Variants in ATP2B1 observed in about 807,000 individuals in gnomAD.
The protein encoded by ATP2B1 is ATPase plasma membrane Ca2+ transporting 1.
In ATP2B1, 14 loss-of-function variants were observed where a neutral mutation model predicts 124.2. That is an observed-to-expected ratio of 0.11 (90% CI 0.07 to 0.18). ATP2B1 has a LOEUF of 0.18. ATP2B1 is among the 10% of genes least tolerant of loss of function. The probability of loss-of-function intolerance (pLI) is 1.00; values close to 1 mark genes in which losing one functional copy is unlikely to be tolerated. For synonymous variants in ATP2B1, 449 were observed against 492.4 expected, an observed-to-expected ratio of 0.91 and a Z score of 1.17; for missense variants, 763 against 1,466.1, an observed-to-expected ratio of 0.52 and a Z score of 7.83.
intron 8 of ATP2B1, among the ~76,000 whole-genome samples, chr12:89,625,260 T>C (rs746829302): frequency 2.1e-4 from 31 of 150,078 alleles, no homozygotes; most frequent in Non-Finnish European, 4.0e-4. Context: ...AGCAAGACTC[T>C]GTCTCCCACC....
intron 1 of ATP2B1, among the ~76,000 whole-genome samples, chr12:89,661,461 T>C (rs1250645071): frequency 6.6e-6 from 1 of 152,154 alleles, no homozygotes; most frequent in African/African-American, 2.4e-5. Flanking sequence ...ATTGTCTACT[T>C]CCAAAATGGA....
chr12:89,678,496 T>C (rs1888947126), intron 1 of ATP2B1, among the ~76,000 whole-genome samples: 1 of 152,182 alleles, frequency 6.6e-6, no homozygotes, highest in Non-Finnish European at 1.5e-5. Context: ...TATGACTATT[T>C]ACTACTGCTG....
At chr12:89,644,763 C>T (rs970282220) in intron 2 of ATP2B1, among the ~76,000 whole-genome samples, 1 of 152,118 alleles carries the variant, frequency 6.6e-6, no homozygotes, top group African/African-American at 2.4e-5. Flanking sequence ...ATAAAGACTA[C>T]CATTAATTGC....
At chr12:89,599,766 T>C (rs1473327063) in intron 19 of ATP2B1, among the ~76,000 whole-genome samples, 2 of 152,144 alleles carry the variant, frequency 1.3e-5, no homozygotes, top group African/African-American at 4.8e-5. Context: ...AATAGTTTTG[T>C]TACATATTTT....
At chr12:89,662,388 C>G (rs1178487830) in intron 1 of ATP2B1, among the ~76,000 whole-genome samples, 1 of 152,130 alleles carries the variant, frequency 6.6e-6, no homozygotes, top group African/African-American at 2.4e-5. Context: ...ACATATCAAA[C>G]AGATACTACA....
At chr12:89,630,686 G>C in intron 5 of ATP2B1, 41 bp from the exon 6 acceptor site, 1 of 1,384,992 alleles carries the variant, frequency 7.2e-7, no homozygotes, top group African/African-American at 1.5e-5. Context: ...AATACTGATA[G>C]ATCTCCTTGC....
At chr12:89,644,112 ACT>A (rs995868913) in intron 2 of ATP2B1, among the ~76,000 whole-genome samples, 5 of 151,982 alleles carry the variant, frequency 3.3e-5, no homozygotes, top group Non-Finnish European at 5.9e-5. Context: ...ATAGAGCAAG[ACT>A]CTGTTTCCGA....
intron 1 of ATP2B1, among the ~76,000 whole-genome samples, chr12:89,676,924 A>G (rs1037453716): frequency 3.3e-5 from 5 of 152,134 alleles, no homozygotes; most frequent in Admixed American, 6.6e-5. Flanking sequence ...ACGGTGGCAA[A>G]TCAAATTCTT....
chr12:89,600,630 A>G (rs1303312908), intron 19 of ATP2B1, among the ~76,000 whole-genome samples: 1 of 151,864 alleles, frequency 6.6e-6, no homozygotes, highest in Non-Finnish European at 1.5e-5. Flanking sequence ...ATTAAATTAC[A>G]GAACAAAATG....
At chr12:89,627,534 G>C (rs549922117) in intron 7 of ATP2B1, 144 bp downstream of exon 7, 5 of 795,240 alleles carry the variant, frequency 6.3e-6, no homozygotes, top group African/African-American at 5.2e-5. Flanking sequence ...TAAGACACCG[G>C]CAGGAAGAAA....
At chr12:89,700,734 AATTTT>A (rs1387979357) in intron 1 of ATP2B1, among the ~76,000 whole-genome samples, 2 of 152,168 alleles carry the variant, frequency 1.3e-5, no homozygotes, top group Non-Finnish European at 2.9e-5. Flanking sequence ...TTTGACCAAC[AATTTT>A]ATTATGATTA....
At chr12:89,676,585 T>A (rs1333460789) in intron 1 of ATP2B1, among the ~76,000 whole-genome samples, 1 of 152,108 alleles carries the variant, frequency 6.6e-6, no homozygotes, top group Non-Finnish European at 1.5e-5. Context: ...TATATTACAA[T>A]TTTTAAATGA....
At chr12:89,621,926 T>C (rs899750843) in intron 9 of ATP2B1, 135 bp from the exon 10 acceptor site, 58 of 962,342 alleles carry the variant, frequency 6.0e-5, no homozygotes, top group Non-Finnish European at 7.4e-5. Context: ...AAAGTACCAA[T>C]GTAATACTGA....
intron 2 of ATP2B1, among the ~76,000 whole-genome samples, chr12:89,655,266 C>A (rs1262699593): frequency 6.6e-6 from 1 of 152,114 alleles, no homozygotes; most frequent in East Asian, 1.9e-4. Context: ...ATGCTAAAAC[C>A]AACTCAATCA....
intron 6 of ATP2B1, among the ~76,000 whole-genome samples, chr12:89,628,289 C>A (rs2681489): frequency 0.14 from 21,712 of 151,666 alleles, 1,989 homozygotes; most frequent in Admixed American, 0.19. Context: ...GTAGTCCCAG[C>A]TAGTCAGGAG....
chr12:89,699,659 C>T (rs988116443), intron 1 of ATP2B1, among the ~76,000 whole-genome samples: 2 of 152,138 alleles, frequency 1.3e-5, no homozygotes, highest in African/African-American at 4.8e-5. Flanking sequence ...AGATAAATTT[C>T]ACATTTAAAT....
rs200252538 is a variant in ATP2B1, at chr12:89,593,645, AAG to A, written c.3352-2352_3352-2351del. 7 of 152,172 alleles carry A rather than the reference AAG, an allele frequency of 4.6e-5. No individual in the cohort carries two copies. In the East Asian group the frequency reaches 5.8e-4, roughly 13 times the overall value. 9.4% of individuals were successfully genotyped at this position (152,172 alleles called of 1,614,324 possible). On this transcript the variant is annotated intron_variant, in intron 20 of 20. Transcript: ENST00000428670. ...GAGATTTGAGAGTTAGTGAAGCTCT[AAG>A]AGGGGCAGAGTGTAAAGGTGAGGGC...
intron 13 of ATP2B1, 173 bp from the exon 14 acceptor site, chr12:89,610,681 C>T (rs1321827592): frequency 8.5e-6 from 5 of 584,976 alleles, no homozygotes; most frequent in African/African-American, 1.9e-5. Flanking sequence ...TCTATCTTAG[C>T]GAATACTGTG....
chr12:89,697,555 A>C (rs182553541), intron 1 of ATP2B1, among the ~76,000 whole-genome samples: 1 of 152,340 alleles, frequency 6.6e-6, no homozygotes, highest in Non-Finnish European at 1.5e-5. Context: ...GATGAATGAC[A>C]GATGACATAT....
Sources: gnomAD v4.1 joint callset for allele counts (sites outside exome capture counted in the v4.1 genomes callset) on GRCh38, gnomAD v4.1.1 for gene constraint, MANE v1.5 for transcripts, NCBI Gene and HGNC (gene_info 2026-07-23, HGNC 2026-07-21) for gene names.